NLGN1: variants seen among roughly 807,000 people sequenced by gnomAD.
NLGN1 encodes the protein neuroligin 1.
In NLGN1, 12 loss-of-function variants were observed where a neutral mutation model predicts 65.5. The observed-to-expected ratio is 0.18, with a 90% confidence interval of 0.12 to 0.30. The LOEUF (loss-of-function observed/expected upper bound fraction) is 0.30. Among genes scored for constraint, NLGN1 ranks in the 10% least tolerant of loss-of-function variants. The pLI is 1.00. For synonymous variants in NLGN1, 350 were observed against 359.5 expected (o/e 0.97, Z 0.30); for missense variants, 750 against 1,007.1 (o/e 0.74, Z 3.46).
At chr3:174,152,997 G>T (rs1321056581) in intron 4 of NLGN1, among the ~76,000 whole-genome samples, 7 of 151,968 alleles carry the variant, frequency 4.6e-5, no homozygotes, top group Non-Finnish European at 1.0e-4. Context: ...TCTAAATTCT[G>T]ATCTAGCCCT....
intron 2 of NLGN1, among the ~76,000 whole-genome samples, chr3:173,597,113 G>A (rs950941833): frequency 6.6e-6 from 1 of 152,166 alleles, no homozygotes; most frequent in African/African-American, 2.4e-5. Context: ...TATTCTGTGT[G>A]TTTCACTCTC....
chr3:173,965,742 C>T (rs142650459), intron 4 of NLGN1, among the ~76,000 whole-genome samples: 47 of 152,158 alleles, frequency 3.1e-4, no homozygotes, highest in Middle Eastern at 3.4e-3. Context: ...TTTTAAGACA[C>T]CTGTTGAACA....
chr3:173,852,387 A>G (rs1443996342), intron 4 of NLGN1, among the ~76,000 whole-genome samples: 1 of 131,856 alleles, frequency 7.6e-6, no homozygotes, highest in African/African-American at 2.8e-5. Flanking sequence ...AAAAAAAAAA[A>G]AGTAAGTGGT....
At chr3:173,811,000 C>G (rs1055281848) in intron 4 of NLGN1, among the ~76,000 whole-genome samples, 1 of 152,180 alleles carries the variant, frequency 6.6e-6, no homozygotes, top group African/African-American at 2.4e-5. Flanking sequence ...TGCCTACTAA[C>G]CTCACTCCCC....
At chr3:173,425,011 G>A (rs977010832) in intron 1 of NLGN1, among the ~76,000 whole-genome samples, 1 of 152,156 alleles carries the variant, frequency 6.6e-6, no homozygotes, top group Non-Finnish European at 1.5e-5. Flanking sequence ...TTGACTCACA[G>A]TTCCATACAG....
chr3:174,107,654 A>G (rs1365914254), intron 4 of NLGN1, among the ~76,000 whole-genome samples: 1 of 152,160 alleles, frequency 6.6e-6, no homozygotes, highest in African/African-American at 2.4e-5. Context: ...AAAATTCCCA[A>G]AAGTTCCATT....
chr3:173,830,138 T>C (rs6445119), intron 4 of NLGN1, among the ~76,000 whole-genome samples: 1 of 151,978 alleles, frequency 6.6e-6, no homozygotes, highest in East Asian at 1.9e-4. Flanking sequence ...AATATAGCAA[T>C]CTATGCACAC....
At chr3:173,831,909 T>C (rs1055993102) in intron 4 of NLGN1, among the ~76,000 whole-genome samples, 1 of 152,050 alleles carries the variant, frequency 6.6e-6, no homozygotes, top group African/African-American at 2.4e-5. Context: ...GTAAACAGGC[T>C]ATCTTTATAA....
chr3:173,980,101 G>A (rs1017323245), intron 4 of NLGN1, among the ~76,000 whole-genome samples: 3 of 151,878 alleles, frequency 2.0e-5, no homozygotes, highest in African/African-American at 7.3e-5. Flanking sequence ...AATACACTGG[G>A]TTGTACCAGC....
chr3:173,566,482 A>G (rs1441078094), intron 2 of NLGN1, among the ~76,000 whole-genome samples: 1 of 152,224 alleles, frequency 6.6e-6, no homozygotes, highest in Non-Finnish European at 1.5e-5. Flanking sequence ...ATACCCATTA[A>G]TAAAATTCTG....
At chr3:173,517,790 CTATCTATCTATCA>C (rs1220027007) in intron 2 of NLGN1, among the ~76,000 whole-genome samples, 2 of 151,204 alleles carry the variant, frequency 1.3e-5, no homozygotes, top group Non-Finnish European at 1.5e-5. Context: ...ATCTATCTAT[CTATCTATCTATCA>C]TATCTATCTG....
chr3:174,265,799 A>ATG (rs1204181483), intron 4 of NLGN1, among the ~76,000 whole-genome samples: 1 of 146,900 alleles, frequency 6.8e-6, no homozygotes, highest in Non-Finnish European at 1.5e-5. Context: ...ATATATATAT[A>ATG]TAGCCAAAGT....
chr3:174,278,936 A>G, exon 6 of NLGN1: 1 of 1,531,028 alleles, frequency 6.5e-7, no homozygotes, highest in Non-Finnish European at 8.8e-7. Context: ...CCTGCAAAAT[A>G]TGCTAGAATG....
At chr3:173,737,925 T>C (rs1302920433) in intron 3 of NLGN1, among the ~76,000 whole-genome samples, 1 of 152,008 alleles carries the variant, frequency 6.6e-6, no homozygotes, top group Non-Finnish European at 1.5e-5. Context: ...CTTGCTTATC[T>C]GTCTGTTTTA....
rs796169913 is a variant in NLGN1 at position 174,209,623 on chromosome 3, C to CTTTTTTT, written c.647-65672_647-65666dup. 7.3e-3 allele frequency among the ~76,000 whole-genome samples: 598 copies of CTTTTTTT among 82,094 alleles called. 48 individuals are homozygous for CTTTTTTT. The highest frequency in any genetic ancestry group is 0.022 in the African/African-American group (461 of 20,618). 53.9% of individuals were successfully genotyped at this position (82,094 alleles called of 152,430 possible). On this transcript the variant is annotated intron_variant, in intron 4 of 6. Transcript: ENST00000457714. ...CCCTGGTGTCTATCAACCTTTCTTT[C>CTTTTTTT]TTTTTTTTTTTTTTTTTTTTTTTTT...
rs143369754 is a variant in NLGN1 at position 173,898,394 on chromosome 3, C to T, written c.646+90562C>T. Among the ~76,000 whole-genome samples, 1,364 of 152,248 alleles carry T rather than the reference C, an allele frequency of 9.0e-3. 24 individuals carry two copies. Among genetic ancestry groups the T allele is most frequent in the African/African-American group, 0.028 (1,166 of 41,550 alleles). Reference sequence around the variant, plus strand: ...CTCATTTTGGCTTTAAAAGGCAAATCGTGTGCATCTCTTCCCATTGTGCAT... The same window carrying T: ...CTCATTTTGGCTTTAAAAGGCAAATTGTGTGCATCTCTTCCCATTGTGCAT... On this transcript the variant is annotated intron_variant, in intron 4 of 6. Transcript: ENST00000457714.
At chr3:173,891,938 T>A (rs547486440) in intron 4 of NLGN1, among the ~76,000 whole-genome samples, 1 of 152,210 alleles carries the variant, frequency 6.6e-6, no homozygotes, top group Non-Finnish European at 1.5e-5. Flanking sequence ...GAAAGTGCAC[T>A]AAATGGCAGA....
intron 4 of NLGN1, among the ~76,000 whole-genome samples, chr3:174,175,256 T>C (rs1729232453): frequency 6.6e-6 from 1 of 151,928 alleles, no homozygotes; most frequent in South Asian, 2.1e-4. Flanking sequence ...TATTATTCTA[T>C]GGGAGTCTCT....
intron 4 of NLGN1, among the ~76,000 whole-genome samples, chr3:174,049,807 G>A (rs191211866): frequency 2.6e-4 from 39 of 152,216 alleles, no homozygotes; most frequent in Middle Eastern, 3.4e-3. Context: ...TAACGTGAGA[G>A]AACTGTTTAA....
Sources: gnomAD v4.1 joint callset for allele counts (sites outside exome capture counted in the v4.1 genomes callset) on GRCh38, gnomAD v4.1.1 for gene constraint, MANE v1.5 for transcripts, NCBI Gene and HGNC (gene_info 2026-07-23, HGNC 2026-07-21) for gene names.